WBP2NL: variants seen among roughly 807,000 people sequenced by gnomAD.
WBP2NL encodes postacrosomal sheath WW domain-binding protein.
WBP2NL carries 27 observed loss-of-function variants against 23.3 expected under a neutral mutation model. The observed-to-expected ratio is 1.16, with a 90% CI of 0.85 to 1.60. The LOEUF is 1.60. Ranked by LOEUF, WBP2NL falls within the 40% of genes most tolerant of loss-of-function variation. The pLI is 0.00. For synonymous variants in WBP2NL, 151 were observed against 145.9 expected (o/e 1.03, Z -0.25); for missense variants, 370 against 389.5 (o/e 0.95, Z 0.42).
chr22:42,020,905 T>C (rs990025915), intron 4 of WBP2NL, among the ~76,000 whole-genome samples: 2 of 62,460 alleles, frequency 3.2e-5, no homozygotes, highest in Non-Finnish European at 6.3e-5. Context: ...TATATATATA[T>C]ATATTTTTTT....
chr22:42,027,412 G>T lies in WBP2NL; in HGVS notation c.*231G>T. The T allele has an allele frequency of 1.9e-6, 1 of 512,972 alleles. No homozygotes were observed. The highest frequency in any genetic ancestry group is 3.2e-6 in the Non-Finnish European group (1 of 309,218). 31.8% of individuals were successfully genotyped at this position (512,972 alleles called of 1,614,324 possible). On this transcript the variant is annotated 3_prime_UTR_variant, in exon 6 of 6. Coordinates refer to ENST00000328823, the MANE Select transcript of WBP2NL (RefSeq NM_152613.3). ...GCTAAAGGAAGAATACCATTGTGGG[G>T]CTAATTCCCCAGTAATTTGGTTGAC...
intron 1 of WBP2NL, among the ~76,000 whole-genome samples, chr22:42,008,289 G>A (rs1359534227): frequency 1.4e-5 from 2 of 147,014 alleles, no homozygotes; most frequent in African/African-American, 5.0e-5. Context: ...GCTCATTGCA[G>A]CCTTAGCTTC....
chr22:42,013,571 A>G (rs917019888), intron 1 of WBP2NL, among the ~76,000 whole-genome samples: 1 of 151,990 alleles, frequency 6.6e-6, no homozygotes, highest in Non-Finnish European at 1.5e-5. Flanking sequence ...TTGCACTTGG[A>G]TGTGTAGATT....
chr22:42,057,839 A>G (rs1926103805), intron 8 of WBP2NL, among the ~76,000 whole-genome samples: 1 of 122,214 alleles, frequency 8.2e-6, no homozygotes, highest in Non-Finnish European at 1.7e-5. Flanking sequence ...ATATATATAT[A>G]TATATATACA....
intron 4 of WBP2NL, among the ~76,000 whole-genome samples, chr22:42,021,666 C>T (rs753808738): frequency 1.2e-4 from 18 of 152,178 alleles, no homozygotes; most frequent in Non-Finnish European, 1.9e-4. Context: ...GAAGTTTTTT[C>T]TGAATATCTG....
chr22:42,015,107 A>T (rs1211691030), intron 1 of WBP2NL, among the ~76,000 whole-genome samples: 1 of 152,208 alleles, frequency 6.6e-6, no homozygotes. Flanking sequence ...GGAAAGTAGA[A>T]TCTCCCTCTT....
At position 42,028,235 on chromosome 22, in the gene WBP2NL, A is replaced by G; in HGVS notation, c.*1054A>G. The G allele has an allele frequency of 2.5e-6, 1 of 396,422 alleles. No homozygotes were observed. Among genetic ancestry groups the G allele is most frequent in the Non-Finnish European group, 4.4e-6 (1 of 225,200 alleles). 24.6% of individuals were successfully genotyped at this position (396,422 alleles called of 1,614,324 possible). A position where few individuals can be genotyped will look rare whatever the true frequency, so the allele number is the denominator to read the frequency against. On this transcript the variant is annotated 3_prime_UTR_variant, in exon 6 of 6. Transcript: ENST00000328823. ...AAGACTTGTTGATAAGGAGAAAAGCAAGTTGTAGGGAGCATATACTATAGT... is the reference window on the plus strand; with the variant it reads ...AAGACTTGTTGATAAGGAGAAAAGCGAGTTGTAGGGAGCATATACTATAGT...
downstream of WBP2NL, among the ~76,000 whole-genome samples, chr22:42,035,437 A>G (rs1925145741): frequency 1.3e-5 from 2 of 152,248 alleles, no homozygotes. Flanking sequence ...CTGCAGCAGC[A>G]TCCAGGAAGC....
intron 1 of WBP2NL, among the ~76,000 whole-genome samples, chr22:42,014,715 T>C (rs567403147): frequency 2.4e-4 from 37 of 152,344 alleles, no homozygotes; most frequent in African/African-American, 8.7e-4. Context: ...TCAATAATTC[T>C]CTCTTCTGCC....
intron 1 of WBP2NL, among the ~76,000 whole-genome samples, chr22:42,004,051 C>G (rs1041991123): frequency 6.6e-6 from 1 of 152,196 alleles, no homozygotes; most frequent in African/African-American, 2.4e-5. Context: ...GCAGGTGGGT[C>G]ACTTGAGGTC....
At chr22:42,013,783 A>C (rs1923054515) in intron 1 of WBP2NL, among the ~76,000 whole-genome samples, 2 of 150,788 alleles carry the variant, frequency 1.3e-5, no homozygotes, top group Admixed American at 1.3e-4. Flanking sequence ...CTAAATTTTT[A>C]ATTTTTTTTT....
chr22:42,011,249 G>T (rs1235676152), intron 1 of WBP2NL, among the ~76,000 whole-genome samples: 1 of 151,046 alleles, frequency 6.6e-6, no homozygotes, highest in Non-Finnish European at 1.5e-5. Flanking sequence ...TTGTTGAGAG[G>T]TTTTTTTTTC....
chr22:42,012,646 C>T lies in WBP2NL; in HGVS notation c.63-6665C>T, dbSNP rs115172371. ...TTTATTTGGTAATGTCTTAATTTCT[C>T]TTTAATTTTTGAAGGATAGTTTTGC... On this transcript the variant is annotated intron_variant, in intron 1 of 5. Coordinates refer to ENST00000328823, the MANE Select transcript of WBP2NL (RefSeq NM_152613.3). 6.5e-3 allele frequency among the ~76,000 whole-genome samples: 996 copies of T among 152,176 alleles called. 7 individuals carry two copies. Among genetic ancestry groups the T allele is most frequent in the African/African-American group, 0.023 (950 of 41,524 alleles).
downstream of WBP2NL, chr22:42,028,573 G>T (rs1924711481): frequency 6.6e-6 from 1 of 152,312 alleles, no homozygotes; most frequent in Non-Finnish European, 1.5e-5. Flanking sequence ...GTCAGCATAG[G>T]TATAAAGATT....
In WBP2NL at chr22:42,027,065, G is replaced by A. The variant is rs74639928; in HGVS notation, c.814G>A (p.Gly272Arg). 2,198 of 1,614,258 alleles carry A rather than the reference G, an allele frequency of 1.4e-3. 37 individuals carry two copies. The African/African-American group carries it at 0.026, about 19-fold the overall frequency. ...TGCAGGAAATGAAGGCCCGCCTGCG[G>A]GATACAGAGCCTCACCTGCTGGATC... ...PPAGNEGPPAGYRASPAGSGA... is the reference protein window; with the variant it reads ...PPAGNEGPPARYRASPAGSGA... The change falls in exon 6 of 6, where the codon GGA becomes AGA. Residue 272 changes from glycine (G) to arginine (R), a missense_variant. Coordinates refer to ENST00000328823, the MANE Select transcript of WBP2NL (RefSeq NM_152613.3).
At chr22:42,035,484 G>A (rs963437782), downstream of WBP2NL, among the ~76,000 whole-genome samples, 1 of 152,268 alleles carries the variant, frequency 6.6e-6, no homozygotes, top group African/African-American at 2.4e-5. Flanking sequence ...TCTCGCGCTT[G>A]TCCCTGGCTT....
rs369173983 is a variant in WBP2NL, at chr22:42,042,077, C to T, written c.*273+11254C>T. Reference sequence around the variant, plus strand: ...AGGGATTCCCTTGAATGACAAGTTGCTTTTTTCTTGCATCTTTCAAAAGTT... The same window carrying T: ...AGGGATTCCCTTGAATGACAAGTTGTTTTTTTCTTGCATCTTTCAAAAGTT... On this transcript the variant is annotated intron_variant and NMD_transcript_variant, in intron 8 of 8. Coordinates refer to the WBP2NL transcript ENST00000436265. Among the ~76,000 whole-genome samples the T allele has an allele frequency of 8.5e-5, 13 of 152,256 alleles. No individual in the cohort carries two copies. In the East Asian group the frequency reaches 1.5e-3, roughly 18 times the overall value.
rs1417085334 is a variant in WBP2NL at position 42,026,704 on chromosome 22, C to T, written c.515-62C>T. The T allele has an allele frequency of 3.2e-6, 5 of 1,558,410 alleles. No homozygotes were observed. In the East Asian group the frequency reaches 6.8e-5, roughly 21 times the overall value. On this transcript the variant is annotated intron_variant, in intron 5 of 5. Transcript: ENST00000328823. ...TTCAGCATTATTTTTTAAGTTCTTC[C>T]TTCTCACATATTCCTTGACTTAAAG...
intron 8 of WBP2NL, among the ~76,000 whole-genome samples, chr22:42,046,268 G>A (rs1163546346): frequency 1.3e-5 from 2 of 152,310 alleles, no homozygotes; most frequent in South Asian, 2.1e-4. Flanking sequence ...CACTATCCAT[G>A]AAATATAAAC....
Sources: gnomAD v4.1 joint callset for allele counts (sites outside exome capture counted in the v4.1 genomes callset) on GRCh38, gnomAD v4.1.1 for gene constraint, MANE v1.5 for transcripts, NCBI Gene and HGNC (gene_info 2026-07-23, HGNC 2026-07-21) for gene names.